AGBL4: variants seen among roughly 807,000 people sequenced by gnomAD.
AGBL4 encodes the protein AGBL carboxypeptidase 4, also known as cytosolic carboxypeptidase 6.
Under a neutral mutation model 66.4 loss-of-function variants are expected in AGBL4, and 58 were observed. That is an observed-to-expected ratio of 0.87 (90% CI 0.71 to 1.09). AGBL4 has a LOEUF of 1.09. Ranked by LOEUF, AGBL4 falls within the 50% of genes least tolerant of loss-of-function variation. The probability of loss-of-function intolerance (pLI) is 0.00; values close to 1 mark genes in which losing one functional copy is unlikely to be tolerated. For missense variants in AGBL4, 579 were observed against 631.0 expected, an observed-to-expected ratio of 0.92 and a Z score of 0.88; for synonymous variants, 234 against 222.9, an observed-to-expected ratio of 1.05 and a Z score of -0.44.
chr1:49,673,821 C>A (rs1284391140), intron 3 of AGBL4, among the ~76,000 whole-genome samples: 1 of 151,832 alleles, frequency 6.6e-6, no homozygotes, highest in African/African-American at 2.4e-5. Flanking sequence ...TAATCACAAT[C>A]TAGTGTGCTG....
intron 11 of AGBL4, among the ~76,000 whole-genome samples, chr1:48,550,682 C>T (rs530880064): frequency 1.3e-5 from 2 of 152,234 alleles, no homozygotes; most frequent in East Asian, 3.9e-4. Context: ...TAGCTAAGAG[C>T]TGGCAGATGA....
intron 8 of AGBL4, among the ~76,000 whole-genome samples, chr1:48,635,167 G>C (rs1411851413): frequency 6.6e-6 from 1 of 152,194 alleles, no homozygotes; most frequent in East Asian, 1.9e-4. Context: ...ACAGGGTACA[G>C]CAGAAGACTG....
At chr1:49,985,002 GA>G (rs1336954919) in intron 1 of AGBL4, among the ~76,000 whole-genome samples, 2 of 152,204 alleles carry the variant, frequency 1.3e-5, no homozygotes, top group Non-Finnish European at 2.9e-5. Flanking sequence ...AGACAATTGT[GA>G]GAAAAATCAC....
chr1:49,096,554 CT>C (rs537604058), intron 4 of AGBL4, among the ~76,000 whole-genome samples: 15 of 151,688 alleles, frequency 9.9e-5, no homozygotes, highest in African/African-American at 3.1e-4. Context: ...ATGGATGAAG[CT>C]GGAAACCATC....
chr1:49,255,907 G>A (rs759907122), intron 3 of AGBL4, among the ~76,000 whole-genome samples: 28 of 152,218 alleles, frequency 1.8e-4, no homozygotes, highest in Non-Finnish European at 3.1e-4. Context: ...AACTAAAGTA[G>A]GAACAGAAAA....
At chr1:49,350,187 GTT>G (rs565127283) in intron 3 of AGBL4, among the ~76,000 whole-genome samples, 1 of 142,572 alleles carries the variant, frequency 7.0e-6, no homozygotes, top group African/African-American at 2.6e-5. Flanking sequence ...ATGAATATTT[GTT>G]TTTTTTTTTG....
chr1:49,316,711 C>T (rs1422710826), intron 3 of AGBL4, among the ~76,000 whole-genome samples: 1 of 151,844 alleles, frequency 6.6e-6, no homozygotes, highest in East Asian at 1.9e-4. Flanking sequence ...ACTTGGAGGG[C>T]ATTTTATTTA....
intron 3 of AGBL4, among the ~76,000 whole-genome samples, chr1:49,597,120 C>G (rs1382827836): frequency 6.6e-6 from 1 of 152,146 alleles, no homozygotes; most frequent in Non-Finnish European, 1.5e-5. Flanking sequence ...GATGTGCACG[C>G]CACCTATTCA....
chr1:49,067,783 T>G (rs1298077673), intron 4 of AGBL4, among the ~76,000 whole-genome samples: 1 of 152,192 alleles, frequency 6.6e-6, no homozygotes, highest in African/African-American at 2.4e-5. Context: ...ATACTTTAAG[T>G]TCTAGGGTAC....
chr1:48,815,291 G>T (rs921061218), intron 6 of AGBL4, among the ~76,000 whole-genome samples: 5 of 152,156 alleles, frequency 3.3e-5, no homozygotes, highest in African/African-American at 1.2e-4. Flanking sequence ...AAACAAACAG[G>T]TAGGGTACTT....
intron 5 of AGBL4, among the ~76,000 whole-genome samples, chr1:49,044,869 A>G (rs1349847925): frequency 1.3e-5 from 2 of 152,144 alleles, no homozygotes; most frequent in Non-Finnish European, 2.9e-5. Context: ...CTCCAAAAGA[A>G]ATGCAGATCT....
intron 6 of AGBL4, among the ~76,000 whole-genome samples, chr1:48,669,930 A>G (rs1183631701): frequency 6.6e-6 from 1 of 152,216 alleles, no homozygotes; most frequent in Non-Finnish European, 1.5e-5. Flanking sequence ...CCGTAGGCTC[A>G]GATCTCCCAT....
rs1247061681 is a variant in AGBL4, at chr1:49,603,567, T to TAAAC, written c.282+93745_282+93746insGTTT. 9.3e-5 allele frequency among the ~76,000 whole-genome samples: 13 copies of TAAAC among 140,286 alleles called. No homozygotes were observed. The East Asian group carries it at 9.9e-4, about 11-fold the overall frequency. The allele number at this position is 140,286 out of a possible 152,430, so 92.0% of individuals were successfully genotyped here. A position where few individuals can be genotyped will look rare whatever the true frequency, so the allele number is the denominator to read the frequency against. ...ATAAATAAATAAATAAATAAATAAA[T>TAAAC]AAATAAACAAATAAATAGAAAGGGA... is the stretch of plus-strand genomic sequence containing the variant. On this transcript the variant is annotated intron_variant, in intron 3 of 13. Transcript: ENST00000371839.
At chr1:49,653,468 A>T (rs1343005151) in intron 3 of AGBL4, among the ~76,000 whole-genome samples, 1 of 152,078 alleles carries the variant, frequency 6.6e-6, no homozygotes, top group Non-Finnish European at 1.5e-5. Flanking sequence ...GCTAAGGCTG[A>T]AATGGATGAA....
chr1:48,842,211 C>CATT (rs1267036418), intron 6 of AGBL4, among the ~76,000 whole-genome samples: 1 of 152,150 alleles, frequency 6.6e-6, no homozygotes, highest in African/African-American at 2.4e-5. Flanking sequence ...CCTACCACCC[C>CATT]ATTTCCCATC....
At chr1:48,942,729 G>C (rs1022050994) in intron 5 of AGBL4, among the ~76,000 whole-genome samples, 29 of 152,206 alleles carry the variant, frequency 1.9e-4, no homozygotes. Context: ...AAAAATTAGG[G>C]CTTATAGTCA....
At chr1:49,545,059 A>G (rs1652366002) in intron 3 of AGBL4, among the ~76,000 whole-genome samples, 1 of 152,198 alleles carries the variant, frequency 6.6e-6, no homozygotes, top group Non-Finnish European at 1.5e-5. Flanking sequence ...TAGTCACATT[A>G]CCGTTTAATT....
rs1052717821 is a variant in AGBL4, at chr1:48,533,876, G to T, written c.*297C>A. On this transcript the variant is annotated 3_prime_UTR_variant, in exon 14 of 14. Transcript: ENST00000371839. ...TGATATGTGTCAAATCTCTTAAAAG[G>T]GATGTGTAGGTTTTCCTCATCTTGG... 2.2e-5 allele frequency: 9 copies of T among 413,600 alleles called. No individual in the cohort carries two copies. Among genetic ancestry groups the T allele is most frequent in the Middle Eastern group, 6.8e-4 (1 of 1,464 alleles). The allele number at this position is 413,600 out of a possible 1,614,324, so 25.6% of individuals were successfully genotyped here.
chr1:48,742,396 A>G (rs952984731), intron 6 of AGBL4, among the ~76,000 whole-genome samples: 29 of 139,420 alleles, frequency 2.1e-4, no homozygotes, highest in Admixed American at 1.5e-3. Context: ...CTTTGGATCA[A>G]TATTTTTTAA....
Sources: gnomAD v4.1 joint callset for allele counts (sites outside exome capture counted in the v4.1 genomes callset) on GRCh38, gnomAD v4.1.1 for gene constraint, MANE v1.5 for transcripts, NCBI Gene and HGNC (gene_info 2026-07-23, HGNC 2026-07-21) for gene names.